The following ANKS1A variants were observed in gnomAD, a reference collection of about 807,000 sequenced individuals.
ANKS1A encodes ankyrin repeat and sterile alpha motif domain containing 1A, also known as ankyrin repeat and SAM domain-containing protein 1A.
A neutral mutation model predicts 120.3 loss-of-function variants in ANKS1A; 55 were observed. The observed-to-expected ratio is 0.46, with a 90% CI of 0.37 to 0.57. ANKS1A has a LOEUF of 0.57. Ranked by LOEUF, ANKS1A falls within the 20% of genes least tolerant of loss-of-function variation. The probability of loss-of-function intolerance (pLI) is 0.00; values close to 1 mark genes in which losing one functional copy is unlikely to be tolerated. For synonymous variants in ANKS1A, 590 were observed against 604.7 expected (o/e 0.98, Z 0.36); for missense variants, 1,123 against 1,480.3 (o/e 0.76, Z 3.96).
intron 9 of ANKS1A, among the ~76,000 whole-genome samples, chr6:34,989,886 C>T (rs981580523): frequency 2.0e-5 from 3 of 152,164 alleles, no homozygotes; most frequent in Non-Finnish European, 2.9e-5. Flanking sequence ...AAGGAAATGT[C>T]ATCATGAGGC....
chr6:34,989,990 A>G lies in ANKS1A; in HGVS notation c.1302+674A>G, dbSNP rs147369509. 6.4e-4 allele frequency among the ~76,000 whole-genome samples: 98 copies of G among 152,356 alleles called. 2 individuals carry two copies. The East Asian group carries it at 0.014, about 22-fold the overall frequency. On this transcript the variant is annotated intron_variant, in intron 9 of 23. Coordinates refer to ENST00000360359, the MANE Select transcript of ANKS1A (RefSeq NM_015245.3). ...TGCTAACACTTCCTGCCATTAGAAT[A>G]TATCTATGGAATATTTATTGAAAAT...
chr6:34,918,174 G>T (rs1383201905), intron 1 of ANKS1A, among the ~76,000 whole-genome samples: 4 of 152,222 alleles, frequency 2.6e-5, no homozygotes, highest in Non-Finnish European at 5.9e-5. Flanking sequence ...GAAAACCAAA[G>T]GCTGTAGAAT....
intron 1 of ANKS1A, among the ~76,000 whole-genome samples, chr6:34,921,172 C>G (rs1462727870): frequency 6.6e-6 from 1 of 152,198 alleles, no homozygotes; most frequent in Non-Finnish European, 1.5e-5. Context: ...CATAGGCCAC[C>G]TGGATTTCTG....
At chr6:34,985,598 G>A (rs1394215556) in intron 8 of ANKS1A, among the ~76,000 whole-genome samples, 2 of 152,146 alleles carry the variant, frequency 1.3e-5, no homozygotes, top group African/African-American at 4.8e-5. Flanking sequence ...TTCTGTCTTT[G>A]GAATTTTTGC....
intron 1 of ANKS1A, among the ~76,000 whole-genome samples, chr6:34,941,456 T>G (rs1408036072): frequency 6.6e-6 from 1 of 152,040 alleles, no homozygotes; most frequent in Non-Finnish European, 1.5e-5. Flanking sequence ...TTTATAGAGA[T>G]AGGATTTAGC....
At position 35,019,676 on chromosome 6, in the gene ANKS1A, A is replaced by C. The variant is rs533731217; in HGVS notation, c.2010+1617A>C. Among the ~76,000 whole-genome samples the C allele has an allele frequency of 5.0e-4, 76 of 152,256 alleles. 1 individual carries two copies. The highest frequency in any genetic ancestry group is 6.8e-3 in the Middle Eastern group (2 of 294). ...GTATATTTGTAGGAATGTATGCTCT[A>C]CCTTTGTTTTTTAAAACAGAGTTTT... On this transcript the variant is annotated intron_variant, in intron 11 of 23. Transcript: ENST00000360359.
chr6:34,991,765 T>C lies in ANKS1A; in HGVS notation c.1302+2449T>C, dbSNP rs200473076. Among the ~76,000 whole-genome samples, 14 of 33,958 alleles carry C rather than the reference T, an allele frequency of 4.1e-4. No homozygotes were observed. The East Asian group carries it at 4.6e-3, about 11-fold the overall frequency. 22.3% of individuals were successfully genotyped at this position (33,958 alleles called of 152,430 possible). ...ATACATATATACACACATATATATA[T>C]ACACATATATATACACACATATATA... On this transcript the variant is annotated intron_variant, in intron 9 of 23. Coordinates refer to ENST00000360359, the MANE Select transcript of ANKS1A (RefSeq NM_015245.3).
rs139827102 is a variant in ANKS1A at position 35,048,795 on chromosome 6, G to A, written c.2011-5304G>A. Among the ~76,000 whole-genome samples, 1,300 of 152,340 alleles carry A rather than the reference G, an allele frequency of 8.5e-3. 9 individuals are homozygous for A. The highest frequency in any genetic ancestry group is 0.02 in the Middle Eastern group (6 of 294). The stretch of plus-strand genomic sequence containing the variant: ...CACAGCCTAAGGAACTGATTTTGAC[G>A]TCAGCAGTCGCCTGATGGGATCGGC... On this transcript the variant is annotated intron_variant, in intron 11 of 23. Coordinates refer to ENST00000360359, the MANE Select transcript of ANKS1A (RefSeq NM_015245.3).
rs141351333 is a variant in ANKS1A, at chr6:34,965,454, C to T, written c.198-1785C>T. On this transcript the variant is annotated intron_variant, in intron 1 of 23. Coordinates refer to ENST00000360359, the MANE Select transcript of ANKS1A (RefSeq NM_015245.3). ...GCAGCCTTCGCATTCCAGGTTCAAG[C>T]AATTCTCCTGTCTCAGCCTCCTGAG... Among the ~76,000 whole-genome samples the T allele has an allele frequency of 1.9e-3, 284 of 152,228 alleles. 1 individual carries two copies. Among genetic ancestry groups the T allele is most frequent in the African/African-American group, 6.3e-3 (262 of 41,536 alleles).
Position 34,950,849 on chromosome 6 carries a change from C to T in ANKS1A, c.198-16390C>T, listed in dbSNP as rs75366534. On this transcript the variant is annotated intron_variant, in intron 1 of 23. Transcript: ENST00000360359. ...TACTTAGCAGGATTCTTGCTAAAAC[C>T]GGGCTGGGCAGGTGAAAGATAGAAG... 3.0e-4 allele frequency among the ~76,000 whole-genome samples: 46 copies of T among 152,192 alleles called. No individual in the cohort carries two copies. The East Asian group carries it at 7.5e-3, about 25-fold the overall frequency.
chr6:34,967,096 G>A, intron 1 of ANKS1A, 143 bp from the exon 2 acceptor site: 2 of 698,234 alleles, frequency 2.9e-6, no homozygotes, highest in Non-Finnish European at 4.9e-6. Context: ...TAGCTGCTGT[G>A]TGTTATCAGG....
At position 34,981,977 on chromosome 6, in the gene ANKS1A, C is replaced by A. The variant is rs748842765; in HGVS notation, c.723C>A (p.Ser241Arg). The A allele has an allele frequency of 6.8e-6, 11 of 1,613,784 alleles. No individual in the cohort carries two copies. The highest frequency in any genetic ancestry group is 1.7e-5 in the Admixed American group (1 of 59,986). ...VQVLLDAGMDSNYQTEMGSAL... is the reference protein window; with the variant it reads ...VQVLLDAGMDRNYQTEMGSAL... ...TCCTCCTCGATGCTGGCATGGACAG[C>A]AACTACCAGGTAGCAGGGCGGGTGG... is the stretch of plus-strand genomic sequence containing the variant. Residue 241 changes from serine to arginine, a missense_variant, in exon 4 of 24, where the codon AGC becomes AGA. By Grantham distance (110) the Ser-to-Arg change is moderately radical. This residue lies in a region of ANKS1A where 146 missense variants were observed against 267.8 expected (regional missense o/e 0.55). Coordinates refer to ENST00000360359, the MANE Select transcript of ANKS1A (RefSeq NM_015245.3).
Position 34,967,255 on chromosome 6 carries a change from A to C in ANKS1A, c.214A>C (p.Asn72His), listed in dbSNP as rs1770940845. 1 of 1,613,852 alleles carries C rather than the reference A, an allele frequency of 6.2e-7. No homozygotes were observed. Residue 72 changes from asparagine to histidine, a missense_variant, in exon 2 of 24, where the codon AAT (asparagine) becomes CAT (histidine). Asn to His is a moderately conservative substitution (Grantham distance 68). This residue lies in a region of ANKS1A where 146 missense variants were observed against 267.8 expected (regional missense o/e 0.55). Transcript: ENST00000360359. The stretch of plus-strand genomic sequence containing the variant: ...CCCTGATAGCATGTGGAGAGGGCCA[A>C]ATGTGAACTGTGTTGACAGCACTGG... ...SSLLSMWRGP[N>H]VNCVDSTGYT...
intron 1 of ANKS1A, among the ~76,000 whole-genome samples, chr6:34,919,169 A>G (rs1329242539): frequency 6.6e-6 from 1 of 152,218 alleles, no homozygotes; most frequent in Non-Finnish European, 1.5e-5. Flanking sequence ...ACTTTAAAAG[A>G]CTTGATCCTG....
downstream of ANKS1A, among the ~76,000 whole-genome samples, chr6:35,095,649 TAA>T (rs60295651): frequency 1.6e-4 from 21 of 128,542 alleles, no homozygotes; most frequent in East Asian, 2.2e-4. Context: ...ACTTTTGTGT[TAA>T]AAAAAAAAAA....
At chr6:34,953,892 A>G (rs1770211239) in intron 1 of ANKS1A, among the ~76,000 whole-genome samples, 1 of 152,152 alleles carries the variant, frequency 6.6e-6, no homozygotes, top group Non-Finnish European at 1.5e-5. Flanking sequence ...GGCCATTTTC[A>G]TAGAGTTTCA....
At chr6:34,924,848 C>T (rs970287381) in intron 1 of ANKS1A, among the ~76,000 whole-genome samples, 6 of 152,134 alleles carry the variant, frequency 3.9e-5, no homozygotes, top group South Asian at 2.1e-4. Flanking sequence ...TCAGACTCCC[C>T]GGGCTTGAGT....
chr6:34,894,871 T>C (rs1360727264), intron 1 of ANKS1A, among the ~76,000 whole-genome samples: 1 of 152,128 alleles, frequency 6.6e-6, no homozygotes, highest in Non-Finnish European at 1.5e-5. Flanking sequence ...TTCTCAAGCA[T>C]GAGAAGGGTG....
Position 35,086,067 on chromosome 6 carries a change from A to T in ANKS1A, c.3303+131A>T. The T allele has an allele frequency of 7.5e-7, 1 of 1,336,612 alleles. No individual in the cohort carries two copies. Among genetic ancestry groups the T allele is most frequent in the South Asian group, 1.5e-5 (1 of 66,188 alleles). The allele number at this position is 1,336,612 out of a possible 1,614,324, so 82.8% of individuals were successfully genotyped here. ...GCCCTCCAGGGAAATGACCCTCTTA[A>T]TTGTCCCCCAACCCTGCCAGGTCTC... On this transcript the variant is annotated intron_variant, in intron 22 of 23. Coordinates refer to ENST00000360359, the MANE Select transcript of ANKS1A (RefSeq NM_015245.3). The surrounding 1 kb of genome is among the most constrained non-coding windows in gnomAD (Gnocchi z 5.1).
Sources: allele counts gnomAD v4.1 joint callset (sites outside exome capture counted in the v4.1 genomes callset), GRCh38; gene constraint gnomAD v4.1.1; regional missense constraint gnomAD v4.1.1; non-coding constraint Gnocchi (gnomAD v3.1); transcripts MANE v1.5; gene names NCBI Gene and HGNC (gene_info 2026-07-23, HGNC 2026-07-21).